The following ZNF556 variants were observed in gnomAD, a reference collection of about 807,000 sequenced individuals.
ZNF556 encodes zinc finger protein 556.
A neutral mutation model predicts 13.6 loss-of-function variants in ZNF556; 11 were observed. That is an observed-to-expected ratio of 0.81 (90% CI 0.51 to 1.33). The LOEUF is 1.33. Among genes scored for constraint, ZNF556 ranks in the 40% most tolerant of loss-of-function variants. The pLI, the probability that ZNF556 is intolerant of heterozygous loss-of-function variation, is 0.00. For missense variants in ZNF556, 633 were observed against 566.2 expected (o/e 1.12, Z -1.20); for synonymous variants, 229 against 207.8 (o/e 1.10, Z -0.88).
In ZNF556 at chr19:2,877,947, T is replaced by TA. The variant is rs1475826632; in HGVS notation, c.990dup (p.His331ThrfsTer9). On this transcript the variant is annotated frameshift_variant, in exon 4 of 4. Transcript: ENST00000307635. LOFTEE classifies it low-confidence loss of function (END_TRUNC). The stretch of plus-strand genomic sequence containing the variant: ...AAAGCATTCGGTTGGCCCTCATCCT[T>TA]ACACAAACACGCGAGAACGCATGCT... 9.9e-6 allele frequency: 16 copies of TA among 1,614,050 alleles called. No homozygotes were observed. The highest frequency in any genetic ancestry group is 1.3e-5 in the Non-Finnish European group (15 of 1,180,046).
chr19:2,868,094 G>A (rs554065341), intron 1 of ZNF556, among the ~76,000 whole-genome samples: 1 of 152,264 alleles, frequency 6.6e-6, no homozygotes, highest in South Asian at 2.1e-4. Flanking sequence ...AAAAATTCTA[G>A]CGTGCCTTTT....
rs1830424449 is a variant in ZNF556, at chr19:2,878,380, C to T, written c.*51C>T. 2.5e-6 allele frequency: 4 copies of T among 1,574,426 alleles called. No individual in the cohort carries two copies. Among genetic ancestry groups the T allele is most frequent in the African/African-American group, 1.4e-5 (1 of 73,570 alleles). On this transcript the variant is annotated 3_prime_UTR_variant, in exon 4 of 4. Coordinates refer to ENST00000307635, the MANE Select transcript of ZNF556 (RefSeq NM_024967.3). ...TCACATACATGGTTCAGAAAATTCA[C>T]AGCAGGAGGGCCGGGCGCAGTGGCT... is the stretch of plus-strand genomic sequence containing the variant.
rs1371750371 is a variant in ZNF556 at position 2,878,185 on chromosome 19, G to C, written c.1227G>C (p.Gly409=). Residue 409 remains glycine (G), a synonymous_variant, in exon 4 of 4, where the codon GGG becomes GGC. Coordinates refer to ENST00000307635, the MANE Select transcript of ZNF556 (RefSeq NM_024967.3). The part of the protein sequence containing the change: ...NAASVGKPSG[G]LCSSKNVRTQ... ...CCAGTGTGGGAAAACCTTCAGGCGG[G>C]CTTTGCTCTTCCAAAAATGTAAGAA... 2.5e-6 allele frequency: 4 copies of C among 1,614,064 alleles called. No individual in the cohort carries two copies. Among genetic ancestry groups the C allele is most frequent in the East Asian group, 2.2e-5 (1 of 44,900 alleles).
chr19:2,869,524 G>A (rs372895988), intron 1 of ZNF556, among the ~76,000 whole-genome samples: 2 of 151,940 alleles, frequency 1.3e-5, no homozygotes, highest in African/African-American at 2.4e-5. Flanking sequence ...CCTCCACCAC[G>A]CCTGGCTAAT....
rs2087895586 is a variant in ZNF556 at position 2,880,410 on chromosome 19, T to C, written c.*2081T>C. On this transcript the variant is annotated 3_prime_UTR_variant, in exon 4 of 4. Transcript: ENST00000307635. ...ATACTAACAAATGTCAATCTCTGTT[T>C]TTTATTTACTGGGAGAATGTATTAA... 1 of 152,208 alleles carries C rather than the reference T, an allele frequency of 6.6e-6. No individual in the cohort carries two copies. Among genetic ancestry groups the C allele is most frequent in the South Asian group, 2.1e-4 (1 of 4,838 alleles). The allele number at this position is 152,208 out of a possible 1,614,324, so 9.4% of individuals were successfully genotyped here.
intron 1 of ZNF556, among the ~76,000 whole-genome samples, chr19:2,869,453 G>A (rs191476699): frequency 1.3e-4 from 20 of 152,100 alleles, no homozygotes; most frequent in South Asian, 8.3e-4. Flanking sequence ...TGCAAGCTCC[G>A]CCTCCCGGGT....
rs769145625 is a variant in ZNF556, at chr19:2,876,200, T to C, written c.238T>C (p.Trp80Arg). The C allele has an allele frequency of 6.2e-6, 10 of 1,610,922 alleles. No homozygotes were observed. The South Asian group carries it at 7.8e-5, about 13-fold the overall frequency. ...AGAAAAGTTCACAAGAAAGAATATA[T>C]GGGCCTCCCTTTTAGGAAAAAATTG... Reference protein sequence around the residue: ...KIEKFTRKNIWASLLGKNWEE... With the variant: ...KIEKFTRKNIRASLLGKNWEE... Residue 80 changes from tryptophan to arginine, a missense_variant, in exon 3 of 4, where the codon TGG (tryptophan) becomes CGG (arginine). Physicochemically the swap from Trp to Arg is moderately radical, Grantham distance 101. Coordinates refer to ENST00000307635, the MANE Select transcript of ZNF556 (RefSeq NM_024967.3).
chr19:2,876,253 C>T lies in ZNF556; in HGVS notation c.291C>T (p.His97=). 1 of 1,601,076 alleles carries T rather than the reference C, an allele frequency of 6.2e-7. No individual in the cohort carries two copies. Among genetic ancestry groups the T allele is most frequent in the Non-Finnish European group, 8.5e-7 (1 of 1,176,314 alleles). ...AAGAACATAGCGTTAAAGACAAGCA[C>T]AACACCAAGGAGAGACATTTGAGGT... ...NWEEHSVKDK[H]NTKERHLSRN... is the part of the protein sequence containing the mutation. Residue 97 remains histidine, a synonymous_variant, in exon 3 of 4, where the codon CAC becomes CAT. Coordinates refer to ENST00000307635, the MANE Select transcript of ZNF556 (RefSeq NM_024967.3).
chr19:2,875,350 C>T (rs186634118), intron 2 of ZNF556, among the ~76,000 whole-genome samples: 6 of 151,988 alleles, frequency 3.9e-5, no homozygotes, highest in South Asian at 2.1e-4. Context: ...CCCGCCACCA[C>T]GCCCGGCTAA....
rs57053138 is a variant in ZNF556 at position 2,882,531 on chromosome 19, A to ATATATATAGTGTGTGTGTGT, written c.*4202_*4203insTATATATAGTGTGTGTGTGT. 3.6e-4 allele frequency: 46 copies of ATATATATAGTGTGTGTGTGT among 127,714 alleles called. No homozygotes were observed. The highest frequency in any genetic ancestry group is 1.4e-3 in the African/African-American group (45 of 32,980). The allele number at this position is 127,714 out of a possible 1,614,324, so 7.9% of individuals were successfully genotyped here. ...ATACATTTTATATATATATATATATAGTGTGTGTGTGTGTGTGTGTGTGTG... is the reference window on the plus strand; with the variant it reads ...ATACATTTTATATATATATATATATATATATATAGTGTGTGTGTGTGTGTGTGTGTGTGTGTGTGTGTGTG... On this transcript the variant is annotated 3_prime_UTR_variant, in exon 4 of 4. Transcript: ENST00000307635.
At position 2,878,909 on chromosome 19, in the gene ZNF556, T is replaced by C. The variant is rs887986396; in HGVS notation, c.*580T>C. ...TAATGTTTCTCTTTTCATTTAGAAG[T>C]GTATTGCACCCATGGGTGATCTGAT... On this transcript the variant is annotated 3_prime_UTR_variant, in exon 4 of 4. Transcript: ENST00000307635. 2.0e-5 allele frequency: 3 copies of C among 152,378 alleles called. No homozygotes were observed. Among genetic ancestry groups the C allele is most frequent in the African/African-American group, 7.2e-5 (3 of 41,418 alleles). 9.4% of individuals were successfully genotyped at this position (152,378 alleles called of 1,614,324 possible).
intron 1 of ZNF556, among the ~76,000 whole-genome samples, chr19:2,870,506 G>A (rs1426345093): frequency 6.6e-6 from 1 of 151,860 alleles, no homozygotes; most frequent in Non-Finnish European, 1.5e-5. Context: ...CAGCACTTTG[G>A]GAGGCCGAGG....
chr19:2,870,854 A>T (rs1374931281), intron 1 of ZNF556, among the ~76,000 whole-genome samples: 2 of 151,358 alleles, frequency 1.3e-5, no homozygotes, highest in African/African-American at 2.4e-5. Context: ...CCTGGCTAAC[A>T]CGGTGAAACC....
chr19:2,867,870 G>T (rs1358326095), intron 1 of ZNF556, among the ~76,000 whole-genome samples: 1 of 152,138 alleles, frequency 6.6e-6, no homozygotes, highest in South Asian at 2.1e-4. Flanking sequence ...GTGGCGGCAC[G>T]GGCTGGCCTG....
At chr19:2,870,353 GA>G (rs905217714) in intron 1 of ZNF556, among the ~76,000 whole-genome samples, 1 of 152,288 alleles carries the variant, frequency 6.6e-6, no homozygotes, top group Admixed American at 6.5e-5. Context: ...AGTTAGTTGG[GA>G]AGCAGGAGGA....
chr19:2,873,363 G>A, intron 1 of ZNF556, 133 bp from the exon 2 acceptor site: 1 of 1,060,688 alleles, frequency 9.4e-7, no homozygotes, highest in Non-Finnish European at 1.4e-6. Flanking sequence ...AGGGGAAGAG[G>A]TCTGAGGACT....
chr19:2,878,120 C>A lies in ZNF556; in HGVS notation c.1162C>A (p.His388Asn). 4 of 1,614,076 alleles carry A rather than the reference C, an allele frequency of 2.5e-6. No individual in the cohort carries two copies. Among genetic ancestry groups the A allele is most frequent in the Non-Finnish European group, 3.4e-6 (4 of 1,179,998 alleles). Residue 388 changes from histidine (H) to asparagine (N), a missense_variant, in exon 4 of 4, where the codon CAT becomes AAT. By Grantham distance (68) the His-to-Asn change is moderately conservative. Coordinates refer to ENST00000307635, the MANE Select transcript of ZNF556 (RefSeq NM_024967.3). ...TGGTTGGTCCTCATCTTTACACAAA[C>A]ATGAGAGAAAGCACACTGGGGAGAA... ...TYGWSSSLHK[H>N]ERKHTGEKPV...
rs2144898529 is a variant in ZNF556 at position 2,881,325 on chromosome 19, G to A, written c.*2996G>A. 1 of 152,166 alleles carries A rather than the reference G, an allele frequency of 6.6e-6. No homozygotes were observed. Among genetic ancestry groups the A allele is most frequent in the Non-Finnish European group, 1.5e-5 (1 of 68,010 alleles). The allele number at this position is 152,166 out of a possible 1,614,324, so 9.4% of individuals were successfully genotyped here. On this transcript the variant is annotated 3_prime_UTR_variant, in exon 4 of 4. Transcript: ENST00000307635. Reference sequence around the variant, plus strand: ...CAATGGCTCACGCCTGTAATCCCAGGACCCACCGAGGCGGGTGGATCACCT... The same window carrying A: ...CAATGGCTCACGCCTGTAATCCCAGAACCCACCGAGGCGGGTGGATCACCT...
chr19:2,878,048 C>G lies in ZNF556; in HGVS notation c.1090C>G (p.Gln364Glu), dbSNP rs780906778. ...TCGCCCCTCCACAGATGTCAAATCA[C>G]AAACTAGAGAGAAAGTCTATAAATG... ...RPRPSTDVKS[Q>E]TREKVYKCET... Residue 364 changes from glutamine to glutamate, a missense_variant, in exon 4 of 4, where the codon CAA (glutamine) becomes GAA (glutamate). Coordinates refer to ENST00000307635, the MANE Select transcript of ZNF556 (RefSeq NM_024967.3). 55 of 1,614,046 alleles carry G rather than the reference C, an allele frequency of 3.4e-5. No homozygotes were observed. The highest frequency in any genetic ancestry group is 4.3e-5 in the Non-Finnish European group (51 of 1,180,036).
Sources: gnomAD v4.1 joint callset for allele counts (sites outside exome capture counted in the v4.1 genomes callset) on GRCh38, gnomAD v4.1.1 for gene constraint, MANE v1.5 for transcripts, NCBI Gene and HGNC (gene_info 2026-07-23, HGNC 2026-07-21) for gene names.